ANKRD42: variants seen among roughly 807,000 people sequenced by gnomAD.
The protein encoded by ANKRD42 is ankyrin repeat domain 42.
In ANKRD42, 43 loss-of-function variants were observed where a neutral mutation model predicts 51.5. The ratio of observed to expected loss-of-function variants is 0.83; its 90% CI spans 0.65 to 1.08. The LOEUF (loss-of-function observed/expected upper bound fraction) is 1.08. Among genes scored for constraint, ANKRD42 ranks in the 50% least tolerant of loss-of-function variants. The pLI is 0.00. For synonymous variants in ANKRD42, 203 were observed against 213.0 expected (o/e 0.95, Z 0.41); for missense variants, 608 against 629.3 (o/e 0.97, Z 0.36).
intron 2 of ANKRD42, among the ~76,000 whole-genome samples, chr11:83,203,681 C>T (rs903058515): frequency 5.3e-5 from 8 of 152,172 alleles, no homozygotes; most frequent in East Asian, 1.9e-4. Context: ...CATGAACCAC[C>T]GCGTCTGGCC....
chr11:83,209,403 C>T (rs112983302), intron 3 of ANKRD42: 66 of 1,572,988 alleles, frequency 4.2e-5, no homozygotes, highest in East Asian at 2.7e-4. Flanking sequence ...GCGATCATGT[C>T]GCACAAACAA....
chr11:83,196,245 A>G (rs1034308256), intron 1 of ANKRD42, among the ~76,000 whole-genome samples: 7 of 152,184 alleles, frequency 4.6e-5, no homozygotes, highest in Admixed American at 1.3e-4. Context: ...AATCATTATA[A>G]TTCTTCTGTT....
chr11:83,216,743 A>G (rs564774487), intron 5 of ANKRD42, among the ~76,000 whole-genome samples: 1 of 152,340 alleles, frequency 6.6e-6, no homozygotes, highest in Non-Finnish European at 1.5e-5. Flanking sequence ...TTTTAAGCAT[A>G]TATCTTCAAT....
intron 5 of ANKRD42, among the ~76,000 whole-genome samples, chr11:83,217,786 C>T (rs1565185533): frequency 1.3e-5 from 2 of 152,198 alleles, no homozygotes; most frequent in Non-Finnish European, 2.9e-5. Context: ...CTTTAAGTAT[C>T]CTTGCAAACT....
At chr11:83,198,409 T>A (rs570228814) in intron 1 of ANKRD42, 70 bp from the exon 2 acceptor site, 1 of 1,449,716 alleles carries the variant, frequency 6.9e-7, no homozygotes, top group South Asian at 1.4e-5. Flanking sequence ...TTCTGTTATA[T>A]CACTGTTTTA....
chr11:83,257,194 G>T (rs974599967), downstream of ANKRD42: 2 of 390,480 alleles, frequency 5.1e-6, no homozygotes. Context: ...TCTGATACTA[G>T]GTCAAAATGG....
At chr11:83,247,746 TG>T in intron 10 of ANKRD42, among the ~76,000 whole-genome samples, 196 bp from the exon 11 acceptor site, 1 of 152,344 alleles carries the variant, frequency 6.6e-6, no homozygotes, top group South Asian at 2.1e-4. Context: ...AGGCAGATTT[TG>T]GGCCTTTTGT....
At chr11:83,243,140 T>C (rs983201697) in intron 9 of ANKRD42, among the ~76,000 whole-genome samples, 1 of 152,190 alleles carries the variant, frequency 6.6e-6, no homozygotes, top group African/African-American at 2.4e-5. Context: ...GCATCTGTTG[T>C]TTTTTGACTT....
At chr11:83,233,757 A>G (rs1363452916) in intron 7 of ANKRD42, among the ~76,000 whole-genome samples, 4 of 152,154 alleles carry the variant, frequency 2.6e-5, no homozygotes, top group African/African-American at 4.8e-5. Flanking sequence ...ATCTTGGCTC[A>G]TTACAACCTC....
At chr11:83,236,859 A>T (rs546819618) in intron 8 of ANKRD42, among the ~76,000 whole-genome samples, 45 of 152,254 alleles carry the variant, frequency 3.0e-4, no homozygotes, top group Non-Finnish European at 5.6e-4. Context: ...GATTTGTCCC[A>T]TCCAAATGCC....
At chr11:83,216,425 C>T (rs1040598705) in intron 5 of ANKRD42, among the ~76,000 whole-genome samples, 15 of 151,866 alleles carry the variant, frequency 9.9e-5, no homozygotes, top group African/African-American at 2.7e-4. Context: ...CTGGGGTTCA[C>T]GCCATTCTCC....
At chr11:83,219,146 G>A (rs990645909) in intron 5 of ANKRD42, among the ~76,000 whole-genome samples, 1 of 152,282 alleles carries the variant, frequency 6.6e-6, no homozygotes, top group East Asian at 1.9e-4. Flanking sequence ...CCTGGGACTC[G>A]TCTTCCCTAA....
intron 5 of ANKRD42, chr11:83,213,643 T>A (rs1862413866): frequency 2.3e-6 from 2 of 882,522 alleles, no homozygotes; most frequent in Admixed American, 9.4e-5. Context: ...ATGTTGAACA[T>A]CATTTCGTAC....
downstream of ANKRD42, among the ~76,000 whole-genome samples, chr11:83,251,304 C>T (rs1310100235): frequency 6.6e-6 from 1 of 152,268 alleles, no homozygotes; most frequent in African/African-American, 2.4e-5. Context: ...CTGAGGGCTT[C>T]TCGTCATCTG....
chr11:83,231,692 G>A (rs773244010), intron 7 of ANKRD42, among the ~76,000 whole-genome samples: 3 of 152,206 alleles, frequency 2.0e-5, no homozygotes, highest in Non-Finnish European at 4.4e-5. Context: ...TGAGGTCCTA[G>A]ATTTAAGTCT....
intron 2 of ANKRD42, among the ~76,000 whole-genome samples, chr11:83,203,062 G>C (rs1398735293): frequency 6.9e-6 from 1 of 145,736 alleles, no homozygotes; most frequent in East Asian, 2.1e-4. Flanking sequence ...TGTGATCTCA[G>C]TTCACTGCAA....
At chr11:83,239,049 C>G (rs1328690520) in intron 8 of ANKRD42, among the ~76,000 whole-genome samples, 2 of 151,918 alleles carry the variant, frequency 1.3e-5, no homozygotes, top group South Asian at 2.1e-4. Context: ...ATGTCAATTT[C>G]TGTTGTTCTA....
downstream of ANKRD42, among the ~76,000 whole-genome samples, chr11:83,251,424 G>A (rs1863673576): frequency 6.6e-6 from 1 of 152,132 alleles, no homozygotes; most frequent in South Asian, 2.1e-4. Context: ...TTAACAACAG[G>A]TTTTGAGTAT....
At position 83,240,744 on chromosome 11, in the gene ANKRD42, G is replaced by A; in HGVS notation, c.1020-15G>A. 1 of 1,613,126 alleles carries A rather than the reference G, an allele frequency of 6.2e-7. No homozygotes were observed. ...AAGATTGTGGATCTGGTTAGTTATT[G>A]ATTCTTTTCTACAGGTTTGCCCATT... On this transcript the variant is annotated splice_polypyrimidine_tract_variant and intron_variant, in intron 8 of 10. Transcript: ENST00000533342.
Sources: gnomAD v4.1 joint callset for allele counts (sites outside exome capture counted in the v4.1 genomes callset) on GRCh38, gnomAD v4.1.1 for gene constraint, MANE v1.5 for transcripts, NCBI Gene and HGNC (gene_info 2026-07-23, HGNC 2026-07-21) for gene names.